CSMD3: variants seen among roughly 807,000 people sequenced by gnomAD.
CSMD3 encodes CUB and sushi domain-containing protein 3.
In CSMD3, 177 loss-of-function variants were observed where a neutral mutation model predicts 435.2. The ratio of observed to expected loss-of-function variants is 0.41; its 90% CI spans 0.36 to 0.46. The LOEUF is 0.46. CSMD3 is among the 20% of genes least tolerant of loss of function. CSMD3 has a pLI of 0.34. For synonymous variants in CSMD3, 1,656 were observed against 1,520.5 expected, an observed-to-expected ratio of 1.09 and a Z score of -2.07; for missense variants, 4,265 against 4,504.6, an observed-to-expected ratio of 0.95 and a Z score of 1.52.
rs185261058 is a variant in CSMD3 at position 113,418,192 on chromosome 8, T to C, written c.178+18485A>G. 2.0e-5 allele frequency among the ~76,000 whole-genome samples: 3 copies of C among 152,264 alleles called. No homozygotes were observed. The East Asian group carries it at 5.8e-4, about 29-fold the overall frequency. ...AATTACTTGAATACAAAGCAGGTTA[T>C]GTCAAGAATTATAATTCATATACAA... On this transcript the variant is annotated intron_variant, in intron 1 of 70. Transcript: ENST00000297405.
At chr8:112,325,553 T>C (rs989466986) in intron 45 of CSMD3, among the ~76,000 whole-genome samples, 1 of 152,160 alleles carries the variant, frequency 6.6e-6, no homozygotes, top group Non-Finnish European at 1.5e-5. Flanking sequence ...ACTAACTCTT[T>C]AGGGCATAAT....
chr8:113,154,345 C>T (rs936855933), intron 4 of CSMD3, among the ~76,000 whole-genome samples: 10 of 151,870 alleles, frequency 6.6e-5, no homozygotes, highest in African/African-American at 1.2e-4. Flanking sequence ...TAAAGAAAAC[C>T]GATGGCATCA....
intron 59 of CSMD3, among the ~76,000 whole-genome samples, chr8:112,280,617 TA>T (rs1464857415): frequency 6.6e-6 from 1 of 152,146 alleles, no homozygotes; most frequent in Non-Finnish European, 1.5e-5. Context: ...ATTTTATAAA[TA>T]AGCAATAATG....
intron 63 of CSMD3, among the ~76,000 whole-genome samples, chr8:112,247,351 G>A (rs933510298): frequency 6.6e-6 from 1 of 151,970 alleles, no homozygotes; most frequent in African/African-American, 2.4e-5. Context: ...AAATAGTTGG[G>A]TCCTTAGTAC....
chr8:113,029,272 C>A (rs1468336636), intron 5 of CSMD3, among the ~76,000 whole-genome samples: 1 of 151,454 alleles, frequency 6.6e-6, no homozygotes, highest in Non-Finnish European at 1.5e-5. Context: ...CTAATTCATT[C>A]TAAGAAGCCA....
intron 3 of CSMD3, among the ~76,000 whole-genome samples, chr8:113,233,625 ACAGT>A (rs934580217): frequency 5.3e-5 from 8 of 151,776 alleles, no homozygotes; most frequent in South Asian, 2.1e-4. Context: ...AAAAATAAAG[ACAGT>A]CAGATAGGAC....
chr8:112,755,203 C>T (rs1413895397), intron 13 of CSMD3, among the ~76,000 whole-genome samples: 2 of 151,872 alleles, frequency 1.3e-5, no homozygotes, highest in Non-Finnish European at 2.9e-5. Context: ...TGGTGGCGGG[C>T]ACCTGCAGTC....
At chr8:113,192,008 T>A (rs967452805) in intron 3 of CSMD3, among the ~76,000 whole-genome samples, 2 of 151,978 alleles carry the variant, frequency 1.3e-5, no homozygotes, top group African/African-American at 4.8e-5. Flanking sequence ...TTAGTGATAA[T>A]GAGCATTTTT....
intron 9 of CSMD3, 26 bp downstream of exon 9, chr8:112,947,764 A>G (rs2083664602): frequency 1.1e-6 from 1 of 898,016 alleles, no homozygotes; most frequent in Non-Finnish European, 1.9e-6. Flanking sequence ...AAGATAAATA[A>G]TGAAGTCAAT....
intron 5 of CSMD3, among the ~76,000 whole-genome samples, chr8:113,069,503 C>T (rs1389940647): frequency 6.6e-6 from 1 of 152,082 alleles, no homozygotes; most frequent in African/African-American, 2.4e-5. Flanking sequence ...CACTTTTTAA[C>T]TGTTAGAATT....
In CSMD3 at chr8:113,062,503, A is replaced by G. The variant is rs537748971; in HGVS notation, c.917+36253T>C. 4.6e-5 allele frequency among the ~76,000 whole-genome samples: 7 copies of G among 152,012 alleles called. No individual in the cohort carries two copies. In the East Asian group the frequency reaches 1.4e-3, roughly 29 times the overall value. ...CCTTGTATTTTGTCTGATTATTTCCACAACTGAAATTGTTGGTTTCTACAA... is the reference window on the plus strand; with the variant it reads ...CCTTGTATTTTGTCTGATTATTTCCGCAACTGAAATTGTTGGTTTCTACAA... On this transcript the variant is annotated intron_variant, in intron 5 of 70. Coordinates refer to ENST00000297405, the MANE Select transcript of CSMD3 (RefSeq NM_198123.2).
intron 4 of CSMD3, among the ~76,000 whole-genome samples, chr8:113,133,693 GA>G (rs2091342879): frequency 6.6e-6 from 1 of 152,048 alleles, no homozygotes; most frequent in Non-Finnish European, 1.5e-5. Flanking sequence ...GTCCATGGAT[GA>G]ATAAGTGGAT....
At chr8:112,347,980 T>G (rs1347457944) in intron 40 of CSMD3, among the ~76,000 whole-genome samples, 2 of 152,200 alleles carry the variant, frequency 1.3e-5, no homozygotes, top group Non-Finnish European at 2.9e-5. Context: ...AGATATGAAC[T>G]GGAATTCCTG....
At chr8:112,817,281 T>A (rs2079400800) in intron 12 of CSMD3, among the ~76,000 whole-genome samples, 1 of 152,084 alleles carries the variant, frequency 6.6e-6, no homozygotes, top group Non-Finnish European at 1.5e-5. Flanking sequence ...TGTATGCAGA[T>A]GAAAAGGGTA....
At chr8:112,684,275 T>C (rs1005641236) in intron 15 of CSMD3, among the ~76,000 whole-genome samples, 4 of 152,080 alleles carry the variant, frequency 2.6e-5, no homozygotes, top group Non-Finnish European at 5.9e-5. Flanking sequence ...ATGACACATG[T>C]CACCGCTAAT....
intron 3 of CSMD3, among the ~76,000 whole-genome samples, chr8:113,198,465 T>A (rs1272366091): frequency 1.3e-5 from 2 of 151,240 alleles, no homozygotes; most frequent in African/African-American, 2.4e-5. Flanking sequence ...CAGCTCCAAT[T>A]TTTGGAGCTG....
chr8:112,566,695 A>T (rs754122993), intron 24 of CSMD3, among the ~76,000 whole-genome samples: 3 of 152,140 alleles, frequency 2.0e-5, no homozygotes, highest in Non-Finnish European at 2.9e-5. Context: ...GCTATTTGGG[A>T]CTAGGCATGT....
chr8:112,692,825 T>A (rs186886928), intron 13 of CSMD3, among the ~76,000 whole-genome samples: 1 of 152,282 alleles, frequency 6.6e-6, no homozygotes, highest in East Asian at 1.9e-4. Context: ...ACATAACTTT[T>A]ATGACAGTAT....
intron 31 of CSMD3, among the ~76,000 whole-genome samples, chr8:112,491,681 T>C (rs778730190): frequency 2.0e-5 from 3 of 152,126 alleles, no homozygotes; most frequent in Non-Finnish European, 4.4e-5. Context: ...CTCTCTATGT[T>C]CCTTAAAGTA....
Sources: gnomAD v4.1 joint callset for allele counts (sites outside exome capture counted in the v4.1 genomes callset) on GRCh38, gnomAD v4.1.1 for gene constraint, MANE v1.5 for transcripts, NCBI Gene and HGNC (gene_info 2026-07-23, HGNC 2026-07-21) for gene names.